The following ITPRID1 variants were observed in gnomAD, a reference collection of about 807,000 sequenced individuals.
ITPRID1 encodes the protein ITPR interacting domain containing 1.
In ITPRID1, 96 loss-of-function variants were observed where a neutral mutation model predicts 95.4. The observed-to-expected ratio is 1.01, with a 90% CI of 0.85 to 1.19. The LOEUF (loss-of-function observed/expected upper bound fraction) is 1.19, where lower values mean the gene tolerates loss of function less well. Ranked by LOEUF, ITPRID1 falls within the 50% of genes most tolerant of loss-of-function variation. The pLI, the probability that ITPRID1 is intolerant of heterozygous loss-of-function variation, is 0.00. For missense variants in ITPRID1, 1,339 were observed against 1,252.9 expected (o/e 1.07, Z -1.04); for synonymous variants, 510 against 453.6 (o/e 1.12, Z -1.58).
At chr7:31,553,411 A>G (rs1784350011) in intron 3 of ITPRID1, among the ~76,000 whole-genome samples, 1 of 152,192 alleles carries the variant, frequency 6.6e-6, no homozygotes, top group Non-Finnish European at 1.5e-5. Context: ...CAATTAATGA[A>G]TGAACTCTGC....
At chr7:31,515,714 G>T (rs1053884746) in intron 1 of ITPRID1, among the ~76,000 whole-genome samples, 1 of 152,320 alleles carries the variant, frequency 6.6e-6, no homozygotes, top group South Asian at 2.1e-4. Context: ...GATTGAAAAC[G>T]TAGGGATATG....
chr7:31,562,428 C>T (rs1178993159), intron 5 of ITPRID1, among the ~76,000 whole-genome samples: 1 of 152,110 alleles, frequency 6.6e-6, no homozygotes, highest in East Asian at 1.9e-4. Flanking sequence ...ATTTCTTCTC[C>T]CATCCCCAGA....
At chr7:31,590,714 A>T (rs1785829303) in intron 10 of ITPRID1, among the ~76,000 whole-genome samples, 1 of 152,148 alleles carries the variant, frequency 6.6e-6, no homozygotes, top group Admixed American at 6.5e-5. Flanking sequence ...GAGGACACTA[A>T]ATTTCACTCC....
At chr7:31,628,727 A>T (rs1788719913) in intron 10 of ITPRID1, among the ~76,000 whole-genome samples, 2 of 152,130 alleles carry the variant, frequency 1.3e-5, no homozygotes, top group Non-Finnish European at 2.9e-5. Flanking sequence ...AAGTGCTGGG[A>T]TTACAGGCTT....
At chr7:31,538,345 G>T (rs927091127) in intron 1 of ITPRID1, among the ~76,000 whole-genome samples, 3 of 152,102 alleles carry the variant, frequency 2.0e-5, no homozygotes, top group Admixed American at 2.0e-4. Flanking sequence ...ATACTTCAGT[G>T]TTTATTTTCT....
chr7:31,550,248 A>T (rs1410590031), intron 2 of ITPRID1, among the ~76,000 whole-genome samples: 2 of 147,766 alleles, frequency 1.4e-5, no homozygotes, highest in African/African-American at 5.0e-5. Flanking sequence ...AATTTCCCAC[A>T]TGAGTAGAAG....
At chr7:31,602,726 G>A (rs917833306) in intron 10 of ITPRID1, among the ~76,000 whole-genome samples, 4 of 152,144 alleles carry the variant, frequency 2.6e-5, no homozygotes, top group Non-Finnish European at 4.4e-5. Context: ...TTCCTGCCCG[G>A]TGGCCTCAGC....
chr7:31,630,528 A>G, intron 10 of ITPRID1, among the ~76,000 whole-genome samples: 1 of 152,180 alleles, frequency 6.6e-6, no homozygotes, highest in African/African-American at 2.4e-5. Flanking sequence ...AAAGATTCTG[A>G]GGCTGAATTT....
At chr7:31,630,904 C>G (rs1788931832) in intron 10 of ITPRID1, among the ~76,000 whole-genome samples, 1 of 151,784 alleles carries the variant, frequency 6.6e-6, no homozygotes, top group African/African-American at 2.4e-5. Flanking sequence ...AAAATACATA[C>G]AAAAATGTAT....
At chr7:31,519,616 C>CCATATATATATATATATATATA (rs1783163005) in intron 1 of ITPRID1, among the ~76,000 whole-genome samples, 3 of 38,478 alleles carry the variant, frequency 7.8e-5, no homozygotes, top group Admixed American at 3.4e-4. Flanking sequence ...CTCTCTCTCT[C>CCATATATATATATATATATATA]TCTCTATATA....
intron 2 of ITPRID1, among the ~76,000 whole-genome samples, chr7:31,551,211 GATGCTGTTATTAGCATTC>G (rs1014767144): frequency 1.4e-5 from 2 of 143,492 alleles, no homozygotes; most frequent in Non-Finnish European, 1.6e-5. Flanking sequence ...TGTCAGTGTC[GATGCTGTTATTAGCATTC>G]ATGCTCACAA....
At chr7:31,557,459 G>C (rs1371621282) in intron 5 of ITPRID1, among the ~76,000 whole-genome samples, 9 of 152,088 alleles carry the variant, frequency 5.9e-5, no homozygotes, top group Non-Finnish European at 1.2e-4. Flanking sequence ...GCCAACATGA[G>C]GCTTGGCCTT....
intron 10 of ITPRID1, among the ~76,000 whole-genome samples, chr7:31,624,346 G>A (rs1788230013): frequency 1.4e-5 from 2 of 147,856 alleles, no homozygotes; most frequent in Non-Finnish European, 3.0e-5. Flanking sequence ...ACAGCTGGAG[G>A]CATCACGCTA....
chr7:31,610,592 A>G (rs759534241), intron 10 of ITPRID1, among the ~76,000 whole-genome samples: 18 of 151,426 alleles, frequency 1.2e-4, no homozygotes, highest in African/African-American at 4.1e-4. Flanking sequence ...TTTTCTCTGC[A>G]TTTCTGTCAG....
intron 12 of ITPRID1, among the ~76,000 whole-genome samples, chr7:31,649,360 C>T (rs781484813): frequency 1.3e-5 from 2 of 152,130 alleles, no homozygotes; most frequent in Non-Finnish European, 2.9e-5. Context: ...TAAAGTTGGT[C>T]TCCATGGAAG....
intron 12 of ITPRID1, among the ~76,000 whole-genome samples, chr7:31,650,364 T>TGGA (rs1241636307): frequency 6.6e-6 from 1 of 152,104 alleles, no homozygotes; most frequent in African/African-American, 2.4e-5. Context: ...GGAGGCAGAC[T>TGGA]GGAGGGTGGT....
chr7:31,613,188 T>C (rs960731358), intron 10 of ITPRID1, among the ~76,000 whole-genome samples: 3 of 152,202 alleles, frequency 2.0e-5, no homozygotes, highest in African/African-American at 7.2e-5. Context: ...CCAAGGCTGA[T>C]TGTTTTAAGG....
chr7:31,643,273 G>A lies in ITPRID1; in HGVS notation c.1903G>A (p.Val635Ile), dbSNP rs375104335. 27 of 1,613,596 alleles carry A rather than the reference G, an allele frequency of 1.7e-5. No individual in the cohort carries two copies. Among genetic ancestry groups the A allele is most frequent in the Non-Finnish European group, 1.7e-5 (20 of 1,179,880 alleles). ...FCPHTNHSLL[V>I]PESSSQCIPK... ...TCCTCACACCAACCACAGCTTACTCGTACCAGAAAGCTCATCACAGTGTAT... is the reference window on the plus strand; with the variant it reads ...TCCTCACACCAACCACAGCTTACTCATACCAGAAAGCTCATCACAGTGTAT... The change falls in exon 12 of 15, where the codon GTA (valine) becomes ATA (isoleucine). Residue 635 changes from valine (V) to isoleucine (I), a missense_variant. By Grantham distance (29) the Val-to-Ile change is conservative. Transcript: ENST00000615280.
Position 31,655,764 on chromosome 7 carries a change from C to G in ITPRID1, c.*2935C>G. On this transcript the variant is annotated 3_prime_UTR_variant, in exon 15 of 15. Transcript: ENST00000615280. ...TCGTTTCCCTTGCTAAACTCCTAAGCTTTTTACTCTTTACCCAGGTTGGGC... is the reference window on the plus strand; with the variant it reads ...TCGTTTCCCTTGCTAAACTCCTAAGGTTTTTACTCTTTACCCAGGTTGGGC... The G allele has an allele frequency of 1.0e-6, 1 of 985,718 alleles. No individual in the cohort carries two copies. The highest frequency in any genetic ancestry group is 1.2e-6 in the Non-Finnish European group (1 of 830,018). 61.1% of individuals were successfully genotyped at this position (985,718 alleles called of 1,614,324 possible). A position where few individuals can be genotyped will look rare whatever the true frequency, so the allele number is the denominator to read the frequency against.
Sources: gnomAD v4.1 joint callset for allele counts (sites outside exome capture counted in the v4.1 genomes callset) on GRCh38, gnomAD v4.1.1 for gene constraint, MANE v1.5 for transcripts, NCBI Gene and HGNC (gene_info 2026-07-23, HGNC 2026-07-21) for gene names.